The following ACAA1 variants were observed in gnomAD, a reference collection of about 807,000 sequenced individuals.
The protein encoded by ACAA1 is 3-ketoacyl-CoA thiolase, peroxisomal.
In ACAA1, 44 loss-of-function variants were observed where a neutral mutation model predicts 48.8. The observed-to-expected ratio is 0.90, with a 90% CI of 0.71 to 1.16. The LOEUF (loss-of-function observed/expected upper bound fraction) is 1.16. ACAA1 is among the 50% of genes most tolerant of loss of function. The pLI is 0.00. For missense variants in ACAA1, 512 were observed against 562.3 expected (o/e 0.91, Z 0.90); for synonymous variants, 233 against 226.5 (o/e 1.03, Z -0.26).
At chr3:38,132,722 G>A (rs1700812887) in intron 3 of ACAA1, among the ~76,000 whole-genome samples, 1 of 152,136 alleles carries the variant, frequency 6.6e-6, no homozygotes, top group Non-Finnish European at 1.5e-5. Flanking sequence ...CTGAGGGAGT[G>A]GAAGCATCCT....
Position 38,126,035 on chromosome 3 carries a change from G to A in ACAA1, c.997+127C>T, listed in dbSNP as rs1000619534. 6.9e-7 allele frequency: 1 copy of A among 1,445,276 alleles called. No individual in the cohort carries two copies. 89.5% of individuals were successfully genotyped at this position (1,445,276 alleles called of 1,614,324 possible). A position where few individuals can be genotyped will look rare whatever the true frequency, so the allele number is the denominator to read the frequency against. The stretch of plus-strand genomic sequence containing the variant: ...GGGTCAGGAAGGGCTTGAAGTATGG[G>A]ACACTAGCCTGCCCCACCTCCACTC... On this transcript the variant is annotated intron_variant, in intron 9 of 11. Transcript: ENST00000333167. This position sits in a 1 kb window ranked among gnomAD's most constrained non-coding sequence, Gnocchi z 4.7.
intron 11 of ACAA1, 75 bp downstream of exon 11, chr3:38,125,490 C>T: frequency 6.7e-7 from 1 of 1,494,634 alleles, no homozygotes; most frequent in African/African-American, 1.4e-5. Context: ...AGCCCACCTA[C>T]CTCTATCCCC....
At position 38,126,384 on chromosome 3, in the gene ACAA1, T is replaced by TGAG; in HGVS notation, c.818-46_818-44dup. The TGAG allele has an allele frequency of 1.2e-6, 2 of 1,606,554 alleles. No homozygotes were observed. The highest frequency in any genetic ancestry group is 1.7e-6 in the Non-Finnish European group (2 of 1,175,464). On this transcript the variant is annotated intron_variant, in intron 8 of 11. Coordinates refer to ENST00000333167, the MANE Select transcript of ACAA1 (RefSeq NM_001607.4). This position sits in a 1 kb window ranked among gnomAD's most constrained non-coding sequence, Gnocchi z 4.7. ...GGGTAAGAAGGCATCGGGGTGGGGA[T>TGAG]GAGGAGATCCCAGCCCTCCCACTTC...
Position 38,137,116 on chromosome 3 carries a change from G to A in ACAA1, c.-81C>T. ...ACAGACAGCCGTCCGCACACGCGCA[G>A]AACCACATCTCAGCCTCCAAGGCCT... is the stretch of plus-strand genomic sequence containing the variant. On this transcript the variant is annotated 5_prime_UTR_variant, in exon 1 of 12. Coordinates refer to ENST00000333167, the MANE Select transcript of ACAA1 (RefSeq NM_001607.4). 8.5e-7 allele frequency: 1 copy of A among 1,174,840 alleles called. No homozygotes were observed. The highest frequency in any genetic ancestry group is 1.2e-6 in the Non-Finnish European group (1 of 850,374). 72.8% of individuals were successfully genotyped at this position (1,174,840 alleles called of 1,614,324 possible).
intron 11 of ACAA1, chr3:38,123,690 A>AAGAT (rs1377501480): frequency 6.6e-6 from 1 of 152,426 alleles, no homozygotes; most frequent in African/African-American, 2.4e-5. Context: ...ACTTTTTTAA[A>AAGAT]AGATTGATTT....
rs1320656774 is a variant in ACAA1, at chr3:38,129,318, TCTC to T, written c.514_516del (p.Glu172del). 3 of 1,613,938 alleles carry T rather than the reference TCTC, an allele frequency of 1.9e-6. No homozygotes were observed. The highest frequency in any genetic ancestry group is 2.5e-6 in the Non-Finnish European group (3 of 1,180,004). ...ATAGGAATCAGGCAATCTCTGGCCT[TCTC>T]CTTCTCCATCAAGCGCGAAGTAATA... On this transcript the variant is annotated inframe_deletion, in exon 6 of 12. Coordinates refer to ENST00000333167, the MANE Select transcript of ACAA1 (RefSeq NM_001607.4). This position sits in a 1 kb window ranked among gnomAD's most constrained non-coding sequence, Gnocchi z 5.3.
chr3:38,136,312 G>GA (rs1208315812), intron 2 of ACAA1, among the ~76,000 whole-genome samples: 5 of 152,026 alleles, frequency 3.3e-5, no homozygotes, highest in Non-Finnish European at 7.4e-5. Context: ...TCCCCTTGCC[G>GA]AGATAGTGAA....
chr3:38,126,429 G>T lies in ACAA1; in HGVS notation c.817+81C>A, dbSNP rs142371674. Reference sequence around the variant, plus strand: ...CACTTCTACTTTGCAGAGGGGCCTGGTCTATTCCAGGTTCCCAGAGTACAG... The same window carrying T: ...CACTTCTACTTTGCAGAGGGGCCTGTTCTATTCCAGGTTCCCAGAGTACAG... On this transcript the variant is annotated intron_variant, in intron 8 of 11. Coordinates refer to ENST00000333167, the MANE Select transcript of ACAA1 (RefSeq NM_001607.4). The surrounding 1 kb of genome is among the most constrained non-coding windows in gnomAD (Gnocchi z 4.7). The T allele has an allele frequency of 1.2e-6, 2 of 1,609,352 alleles. No individual in the cohort carries two copies. The highest frequency in any genetic ancestry group is 1.7e-5 in the Admixed American group (1 of 59,722).
intron 5 of ACAA1, among the ~76,000 whole-genome samples, chr3:38,130,411 G>A (rs562674898): frequency 2.2e-4 from 34 of 152,332 alleles, no homozygotes; most frequent in African/African-American, 7.5e-4. Context: ...GGAGACTGAG[G>A]TCTAGAGAGA....
chr3:38,126,626 T>C lies in ACAA1; in HGVS notation c.701A>G (p.Lys234Arg), dbSNP rs1205935343. Residue 234 changes from lysine (K) to arginine (R), a missense_variant, in exon 8 of 12, where the codon AAG (lysine) becomes AGG (arginine). Coordinates refer to ENST00000333167, the MANE Select transcript of ACAA1 (RefSeq NM_001607.4). The surrounding 1 kb of genome is among the most constrained non-coding windows in gnomAD (Gnocchi z 4.7). ...CACAGTGATGCTCCTCTTGGTGCCCTTGTCATCATGGACCGTGGTGGTCAC... is the reference window on the plus strand; with the variant it reads ...CACAGTGATGCTCCTCTTGGTGCCCCTGTCATCATGGACCGTGGTGGTCAC... The part of the protein sequence containing the change: ...VPVTTTVHDD[K>R]GTKRSITVTQ... 4 of 1,614,046 alleles carry C rather than the reference T, an allele frequency of 2.5e-6. No homozygotes were observed. The highest frequency in any genetic ancestry group is 3.4e-6 in the Non-Finnish European group (4 of 1,180,004).
intron 3 of ACAA1, chr3:38,133,668 G>A (rs1402344747): frequency 1.3e-5 from 6 of 469,222 alleles, no homozygotes; most frequent in Non-Finnish European, 2.3e-5. Flanking sequence ...CCTGACAAAT[G>A]AGGACAGAGT....
chr3:38,127,906 C>CACTAGACCTATGGA (rs779458966), intron 6 of ACAA1, 40 bp from the exon 7 acceptor site: 35 of 1,606,492 alleles, frequency 2.2e-5, no homozygotes, highest in Non-Finnish European at 3.0e-5. Flanking sequence ...ATTGGTCTGA[C>CACTAGACCTATGGA]AGCCTAGAGG....
Position 38,136,984 on chromosome 3 carries a change from C to T in ACAA1, c.52G>A (p.Gly18Ser). 1 of 1,561,286 alleles carries T rather than the reference C, an allele frequency of 6.4e-7. No individual in the cohort carries two copies. Among genetic ancestry groups the T allele is most frequent in the South Asian group, 1.2e-5 (1 of 84,868 alleles). Residue 18 changes from glycine to serine, a missense_variant, in exon 1 of 12, where the codon GGC (glycine) becomes AGC (serine). Physicochemically the swap from Gly to Ser is moderately conservative, Grantham distance 56. Transcript: ENST00000333167. ...CAAGGCGCGGCCTGCGGCATCCAGC[C>T]GGAATCGGCCGGACCCCTCAGGTGG... is the stretch of plus-strand genomic sequence containing the variant. ...LGHLRGPADSGWMPQAAPCLS... is the reference protein window; with the variant it reads ...LGHLRGPADSSWMPQAAPCLS...
rs1700587439 is a variant in ACAA1, at chr3:38,123,425, C to T, written c.1200-303G>A. On this transcript the variant is annotated intron_variant, in intron 11 of 11. Coordinates refer to ENST00000333167, the MANE Select transcript of ACAA1 (RefSeq NM_001607.4). ...GGATCGATCATAATCCCAAAAGACACAATCCCAAACACAATCATCCCAAAT... is the reference window on the plus strand; with the variant it reads ...GGATCGATCATAATCCCAAAAGACATAATCCCAAACACAATCATCCCAAAT... 1.7e-5 allele frequency: 5 copies of T among 292,844 alleles called. No individual in the cohort carries two copies. In the South Asian group the frequency reaches 3.9e-4, roughly 23 times the overall value. 18.1% of individuals were successfully genotyped at this position (292,844 alleles called of 1,614,324 possible).
chr3:38,123,418 A>G lies in ACAA1; in HGVS notation c.1200-296T>C, dbSNP rs559833260. 2.7e-5 allele frequency: 9 copies of G among 327,286 alleles called. No individual in the cohort carries two copies. In the South Asian group the frequency reaches 5.5e-4, roughly 20 times the overall value. 20.3% of individuals were successfully genotyped at this position (327,286 alleles called of 1,614,324 possible). Reference sequence around the variant, plus strand: ...TCCCCAGGGATCGATCATAATCCCAAAAGACACAATCCCAAACACAATCAT... The same window carrying G: ...TCCCCAGGGATCGATCATAATCCCAGAAGACACAATCCCAAACACAATCAT... On this transcript the variant is annotated intron_variant, in intron 11 of 11. Coordinates refer to ENST00000333167, the MANE Select transcript of ACAA1 (RefSeq NM_001607.4).
In ACAA1 at chr3:38,126,742, T is replaced by C; in HGVS notation, c.627-42A>G. 6.2e-7 allele frequency: 1 copy of C among 1,609,428 alleles called. No individual in the cohort carries two copies. The highest frequency in any genetic ancestry group is 8.5e-7 in the Non-Finnish European group (1 of 1,178,526). ...CAGCCAGCTTCAGACTCCCTTGGGG[T>C]TCCCTTCCTCCCTGCCCCCAACCCC... is the stretch of plus-strand genomic sequence containing the variant. On this transcript the variant is annotated intron_variant, in intron 7 of 11. Coordinates refer to ENST00000333167, the MANE Select transcript of ACAA1 (RefSeq NM_001607.4). The surrounding 1 kb of genome is among the most constrained non-coding windows in gnomAD (Gnocchi z 4.7).
intron 6 of ACAA1, 61 bp from the exon 7 acceptor site, chr3:38,127,927 G>A: frequency 1.3e-6 from 2 of 1,563,252 alleles, no homozygotes; most frequent in Non-Finnish European, 1.8e-6. Context: ...AAGGGACCAG[G>A]CTGTAGAGCT....
intron 11 of ACAA1, 71 bp from the exon 12 acceptor site, chr3:38,123,193 AAGGACGTCATGGACAAGT>A: frequency 6.8e-7 from 1 of 1,465,292 alleles, no homozygotes; most frequent in Non-Finnish European, 9.6e-7. Flanking sequence ...GCTGACCCAG[AAGGACGTCATGGACAAGT>A]AGGATGCAAA....
Position 38,129,142 on chromosome 3 carries a change from C to T in ACAA1, c.545+148G>A, listed in dbSNP as rs760191488. The T allele has an allele frequency of 2.3e-5, 15 of 664,840 alleles. No homozygotes were observed. Among genetic ancestry groups the T allele is most frequent in the Non-Finnish European group, 3.6e-5 (14 of 390,726 alleles). 41.2% of individuals were successfully genotyped at this position (664,840 alleles called of 1,614,324 possible). On this transcript the variant is annotated intron_variant, in intron 6 of 11. Transcript: ENST00000333167. This position sits in a 1 kb window ranked among gnomAD's most constrained non-coding sequence, Gnocchi z 5.3. ...ATGGAAGTCAAGGGCAACATCAAGT[C>T]TCATCCCCAAAGTCCCTGCGGAGCA...
Sources: gnomAD v4.1 joint callset for allele counts (sites outside exome capture counted in the v4.1 genomes callset) on GRCh38, gnomAD v4.1.1 for gene constraint, Gnocchi (gnomAD v3.1) non-coding constraint, MANE v1.5 for transcripts, NCBI Gene and HGNC (gene_info 2026-07-23, HGNC 2026-07-21) for gene names.